The following ATP8B4 variants were observed in gnomAD, a reference collection of about 807,000 sequenced individuals.
ATP8B4 encodes ATPase phospholipid transporting 8B4 (putative).
ATP8B4 carries 133 observed loss-of-function variants against 145.6 expected under a neutral mutation model. The observed-to-expected ratio is 0.91, with a 90% CI of 0.79 to 1.05. The LOEUF (loss-of-function observed/expected upper bound fraction) is 1.05. Among genes scored for constraint, ATP8B4 ranks in the 50% least tolerant of loss-of-function variants. The pLI, the probability that ATP8B4 is intolerant of heterozygous loss-of-function variation, is 0.00. For synonymous variants in ATP8B4, 507 were observed against 492.9 expected (o/e 1.03, Z -0.38); for missense variants, 1,458 against 1,425.2 (o/e 1.02, Z -0.37).
intron 20 of ATP8B4, among the ~76,000 whole-genome samples, chr15:49,906,378 C>T (rs2038627155): frequency 6.6e-6 from 1 of 152,218 alleles, no homozygotes; most frequent in Admixed American, 6.5e-5. Flanking sequence ...CAACAGCATA[C>T]AAGTAGTTCA....
intron 23 of ATP8B4, among the ~76,000 whole-genome samples, chr15:49,884,030 G>A (rs916081307): frequency 6.6e-6 from 1 of 152,088 alleles, no homozygotes; most frequent in African/African-American, 2.4e-5. Flanking sequence ...TAAAACAATG[G>A]CATTCTTCTC....
At chr15:50,081,406 A>G (rs2054549104) in intron 2 of ATP8B4, among the ~76,000 whole-genome samples, 1 of 152,232 alleles carries the variant, frequency 6.6e-6, no homozygotes, top group South Asian at 2.1e-4. Flanking sequence ...GTCAGTCTTA[A>G]AGTTGCTAAT....
In ATP8B4 at chr15:49,942,478, A is replaced by G. The variant is rs564340839; in HGVS notation, c.1288-8296T>C. 2.0e-5 allele frequency among the ~76,000 whole-genome samples: 3 copies of G among 152,216 alleles called. No individual in the cohort carries two copies. In the South Asian group the frequency reaches 6.2e-4, roughly 32 times the overall value. ...ATGGCAGTCTTCAAAAAAGAAGAAA[A>G]AAATAGGGCTACTGCAGAAACTAAA... is the stretch of plus-strand genomic sequence containing the variant. On this transcript the variant is annotated intron_variant, in intron 14 of 27. Transcript: ENST00000284509.
intron 20 of ATP8B4, among the ~76,000 whole-genome samples, chr15:49,916,391 T>C (rs946403360): frequency 1.3e-5 from 2 of 152,180 alleles, no homozygotes; most frequent in South Asian, 2.1e-4. Context: ...CTGGGTTCAA[T>C]AGTAACTACA....
At chr15:50,130,746 A>G (rs537258353) in intron 1 of ATP8B4, among the ~76,000 whole-genome samples, 1 of 152,266 alleles carries the variant, frequency 6.6e-6, no homozygotes, top group South Asian at 2.1e-4. Context: ...ACTGCACTCC[A>G]GCCTGGTGAC....
At chr15:49,925,082 G>A (rs1376060590) in intron 16 of ATP8B4, among the ~76,000 whole-genome samples, 1 of 152,058 alleles carries the variant, frequency 6.6e-6, no homozygotes, top group Non-Finnish European at 1.5e-5. Flanking sequence ...AATGCTGAGT[G>A]AGGATTCTAA....
intron 4 of ATP8B4, among the ~76,000 whole-genome samples, chr15:50,045,769 T>G (rs1471177589): frequency 6.6e-6 from 1 of 152,202 alleles, no homozygotes; most frequent in East Asian, 1.9e-4. Context: ...GAGGTTAGAC[T>G]GAACCATCCC....
intron 1 of ATP8B4, among the ~76,000 whole-genome samples, chr15:50,109,408 G>C (rs1360419889): frequency 1.3e-5 from 2 of 151,922 alleles, no homozygotes; most frequent in East Asian, 3.9e-4. Flanking sequence ...TTTGTTTCAC[G>C]AATAGTCATA....
In ATP8B4 at chr15:50,130,177, C is replaced by T. The variant is rs187928048; in HGVS notation, c.-42-23169G>A. On this transcript the variant is annotated intron_variant, in intron 1 of 3. Transcript: ENST00000558829. ...ATTTTCCACATCTTTCAGGTCTTAACTGCATTCTCACTTCCTCTAGGAACC... is the reference window on the plus strand; with the variant it reads ...ATTTTCCACATCTTTCAGGTCTTAATTGCATTCTCACTTCCTCTAGGAACC... 5.9e-5 allele frequency among the ~76,000 whole-genome samples: 9 copies of T among 152,250 alleles called. No homozygotes were observed. In the East Asian group the frequency reaches 1.4e-3, roughly 23 times the overall value.
At chr15:50,107,269 A>T (rs2056731357) in intron 1 of ATP8B4, among the ~76,000 whole-genome samples, 1 of 152,222 alleles carries the variant, frequency 6.6e-6, no homozygotes, top group South Asian at 2.1e-4. Context: ...ATTCAAATTG[A>T]ATCAAATATA....
intron 1 of ATP8B4, among the ~76,000 whole-genome samples, chr15:50,156,150 ATATAT>A (rs2044416250): frequency 5.2e-5 from 2 of 38,412 alleles, no homozygotes; most frequent in Non-Finnish European, 1.0e-4. Context: ...ATATATATAT[ATATAT>A]TTGTTTGCTG....
At chr15:49,904,872 G>C (rs1344258856) in intron 20 of ATP8B4, among the ~76,000 whole-genome samples, 1 of 152,176 alleles carries the variant, frequency 6.6e-6, no homozygotes, top group Non-Finnish European at 1.5e-5. Context: ...AAGCAGTGGA[G>C]TCACTTTATG....
chr15:49,903,540 G>A (rs1052893476), intron 20 of ATP8B4, among the ~76,000 whole-genome samples: 15 of 152,192 alleles, frequency 9.9e-5, no homozygotes, highest in African/African-American at 3.4e-4. Flanking sequence ...AAAAGAGGAT[G>A]GTTGGAAAAA....
chr15:49,860,569 T>A (rs2031484317), intron 27 of ATP8B4, 94 bp from the exon 28 acceptor site: 6 of 1,369,246 alleles, frequency 4.4e-6, no homozygotes, highest in East Asian at 4.8e-5. Flanking sequence ...TTTTTTTTTA[T>A]AAGTAAAAAC....
At chr15:50,098,266 A>ATTTTT (rs71124319) in intron 2 of ATP8B4, among the ~76,000 whole-genome samples, 2 of 41,728 alleles carry the variant, frequency 4.8e-5, no homozygotes, top group East Asian at 9.7e-4. Flanking sequence ...TTGTCAGGTG[A>ATTTTT]TTTTTTTTTT....
At chr15:50,145,415 T>C (rs556030969) in intron 1 of ATP8B4, among the ~76,000 whole-genome samples, 3 of 152,298 alleles carry the variant, frequency 2.0e-5, no homozygotes, top group South Asian at 2.1e-4. Context: ...GGATTTAGAG[T>C]TAATTTTAAA....
At chr15:50,046,637 C>T (rs1470367539) in intron 4 of ATP8B4, among the ~76,000 whole-genome samples, 1 of 152,208 alleles carries the variant, frequency 6.6e-6, no homozygotes, top group African/African-American at 2.4e-5. Context: ...CATTCTTGAC[C>T]TACCAGTTTG....
chr15:50,013,276 G>A (rs1381274462), intron 6 of ATP8B4, among the ~76,000 whole-genome samples: 4 of 152,050 alleles, frequency 2.6e-5, no homozygotes, highest in Non-Finnish European at 1.5e-5. Flanking sequence ...CTGTTCTCAG[G>A]GTTCATGTTT....
chr15:50,046,583 A>G lies in ATP8B4; in HGVS notation c.201+768T>C, dbSNP rs1600058057. Among the ~76,000 whole-genome samples the G allele has an allele frequency of 2.0e-5, 3 of 152,362 alleles. No homozygotes were observed. The South Asian group carries it at 6.2e-4, about 32-fold the overall frequency. On this transcript the variant is annotated intron_variant, in intron 4 of 27. Transcript: ENST00000284509. ...ATAGATATTCAATTAAAGAGAAAAC[A>G]GTACTCAAATCTATTAATCTAATCC...
Sources: gnomAD v4.1 joint callset for allele counts (sites outside exome capture counted in the v4.1 genomes callset) on GRCh38, gnomAD v4.1.1 for gene constraint, MANE v1.5 for transcripts, NCBI Gene and HGNC (gene_info 2026-07-23, HGNC 2026-07-21) for gene names.